ZNF185: variants seen among roughly 807,000 people sequenced by gnomAD.
The protein encoded by ZNF185 is zinc finger protein 185 with LIM domain.
ZNF185 carries 56 observed loss-of-function variants against 58.6 expected under a neutral mutation model. The ratio of observed to expected loss-of-function variants is 0.95; its 90% CI spans 0.77 to 1.19. The LOEUF (loss-of-function observed/expected upper bound fraction) is 1.19. Among genes scored for constraint, ZNF185 ranks in the 50% most tolerant of loss-of-function variants. The pLI is 0.00. For missense variants in ZNF185, 627 were observed against 573.5 expected (o/e 1.09, Z -0.95); for synonymous variants, 230 against 215.9 (o/e 1.07, Z -0.57).
rs895169034 is a variant in ZNF185, at chrX:152,938,022, C to A, written c.1122-52C>A. The A allele has an allele frequency of 2.1e-5, 23 of 1,120,843 alleles. No individual in the cohort carries two copies. The South Asian group carries it at 4.1e-4, about 20-fold the overall frequency. 92.4% of individuals were successfully genotyped at this position (1,120,843 alleles called of 1,213,427 possible). On this transcript the variant is annotated intron_variant, in intron 14 of 22. Coordinates refer to ENST00000449285, the Ensembl canonical transcript of ZNF185. ...GCAGCCTGGAGGGGGAAGACCTGGGCCCCAGCCTTCTTTGGTCTGAGATCT... is the reference window on the plus strand; with the variant it reads ...GCAGCCTGGAGGGGGAAGACCTGGGACCCAGCCTTCTTTGGTCTGAGATCT...
At chrX:152,959,543 C>T (rs1292424735) in intron 16 of ZNF185, among the ~76,000 whole-genome samples, 156 bp from the exon 19 acceptor site, 2 of 112,056 alleles carry the variant, frequency 1.8e-5, no homozygotes, top group Admixed American at 9.4e-5. Context: ...ACTGACTGCT[C>T]CTTGGGGTGG....
intron 14 of ZNF185, among the ~76,000 whole-genome samples, chrX:152,933,385 T>C (rs894305105): frequency 2.7e-5 from 3 of 112,362 alleles, no homozygotes; most frequent in Non-Finnish European, 5.6e-5. Context: ...TAGGAGGCCC[T>C]TTGCTCCTGC....
intron 14 of ZNF185, 77 bp from the exon 17 acceptor site, chrX:152,937,997 G>A: frequency 1.0e-6 from 1 of 987,244 alleles, no homozygotes; most frequent in Non-Finnish European, 1.4e-6. Flanking sequence ...TGGTGAGAAG[G>A]CAGCCTGGAG....
At chrX:152,917,868 C>T (rs1047731240) in intron 5 of ZNF185, 197 bp from the exon 7 acceptor site, 1 of 1,080,155 alleles carries the variant, frequency 9.3e-7, no homozygotes, top group Non-Finnish European at 1.2e-6. Context: ...CTGGGCTGTT[C>T]CCTGAAGCTC....
intron 16 of ZNF185, among the ~76,000 whole-genome samples, chrX:152,957,102 T>C (rs1556905526): frequency 1.0e-4 from 11 of 108,608 alleles, no homozygotes. Context: ...GACGGAGTCT[T>C]GTTCTGTCGC....
intron 11 of ZNF185, among the ~76,000 whole-genome samples, chrX:152,924,494 C>G (rs1940445818): frequency 9.0e-6 from 1 of 111,371 alleles, no homozygotes; most frequent in Non-Finnish European, 1.9e-5. Flanking sequence ...TTAACTTAGT[C>G]ACTTCTTTAA....
intron 11 of ZNF185, among the ~76,000 whole-genome samples, chrX:152,928,070 G>A (rs781851335): frequency 2.7e-5 from 3 of 112,338 alleles, no homozygotes; most frequent in East Asian, 2.8e-4. Flanking sequence ...GGCTCTGAGC[G>A]TGGCTGGCAA....
chrX:152,900,241 G>A, the ZNF185 span, among the ~76,000 whole-genome samples: 2 of 112,407 alleles, frequency 1.8e-5, no homozygotes, highest in Admixed American at 9.3e-5. Flanking sequence ...ATAGGCATCG[G>A]CACTTGTTCC....
chrX:152,899,266 G>A, the ZNF185 span, among the ~76,000 whole-genome samples: 1 of 112,687 alleles, frequency 8.9e-6, no homozygotes, highest in South Asian at 3.7e-4. Context: ...ACCTGGCTGG[G>A]GGCGGGAGGC....
chrX:152,924,073 G>A (rs1940343135), intron 11 of ZNF185, among the ~76,000 whole-genome samples: 1 of 110,703 alleles, frequency 9.0e-6, no homozygotes, highest in African/African-American at 3.3e-5. Context: ...CTTCTCCCTG[G>A]GCCCTTATAT....
intron 15 of ZNF185, among the ~76,000 whole-genome samples, chrX:152,938,649 G>C (rs1556885055): frequency 9.0e-6 from 1 of 111,156 alleles, no homozygotes; most frequent in Non-Finnish European, 1.9e-5. Context: ...GGTAGGGCTT[G>C]ATTGGCCTCT....
intron 11 of ZNF185, among the ~76,000 whole-genome samples, chrX:152,923,202 G>A (rs936975221): frequency 9.8e-5 from 11 of 111,990 alleles, no homozygotes; most frequent in African/African-American, 3.6e-4. Flanking sequence ...TCCAGAAGGG[G>A]AGAGGGCCTG....
chrX:152,939,790 T>G (rs2046954414), intron 15 of ZNF185, among the ~76,000 whole-genome samples: 1 of 99,367 alleles, frequency 1.0e-5, no homozygotes, highest in African/African-American at 3.7e-5. Flanking sequence ...TTTTTTTTTT[T>G]TTTTTTTTTT....
At chrX:152,935,238 CT>C (rs61588750) in intron 14 of ZNF185, among the ~76,000 whole-genome samples, 94 of 97,138 alleles carry the variant, frequency 9.7e-4, no homozygotes, top group Middle Eastern at 5.6e-3. Context: ...ATTGTTTTTC[CT>C]TTTTTTTTTT....
At chrX:152,919,560 C>T (rs1019234255) in intron 7 of ZNF185, among the ~76,000 whole-genome samples, 4 of 111,692 alleles carry the variant, frequency 3.6e-5, no homozygotes, top group African/African-American at 9.8e-5. Flanking sequence ...CTAGTCTCTG[C>T]GCCAAGCTGC....
At chrX:152,931,502 T>C (rs1941962133) in intron 12 of ZNF185, among the ~76,000 whole-genome samples, 170 bp from the exon 14 acceptor site, 1 of 112,589 alleles carries the variant, frequency 8.9e-6, no homozygotes, top group Non-Finnish European at 1.9e-5. Flanking sequence ...CAAGTGATCC[T>C]CTTGCCTCGG....
At chrX:152,917,768 C>T (rs1938807143) in intron 5 of ZNF185, 1 of 1,000,741 alleles carries the variant, frequency 1.0e-6, no homozygotes, top group Non-Finnish European at 1.3e-6. Context: ...AATTCAAGCA[C>T]CTTGGCATCA....
At chrX:152,913,532 C>T (rs782700429), upstream of ZNF185, among the ~76,000 whole-genome samples, 13 of 112,590 alleles carry the variant, frequency 1.2e-4, no homozygotes, top group Admixed American at 3.7e-4. Flanking sequence ...TAGAGCAGGG[C>T]GAGAAGACAC....
chrX:152,944,823 G>GA (rs371609256), intron 15 of ZNF185, among the ~76,000 whole-genome samples: 26,059 of 100,809 alleles, frequency 0.26, 3,357 homozygotes, highest in Non-Finnish European at 0.39. Flanking sequence ...TGTCTCTACA[G>GA]AAAAAAAAAA....
Sources: allele counts gnomAD v4.1 joint callset (sites outside exome capture counted in the v4.1 genomes callset), GRCh38; gene constraint gnomAD v4.1.1; transcripts MANE v1.5; gene names NCBI Gene and HGNC (gene_info 2026-07-23, HGNC 2026-07-21).